The following TTN variants were observed in gnomAD, a reference collection of about 807,000 sequenced individuals.
TTN encodes titin, also known as connectin.
In TTN, 1,525 loss-of-function variants were observed where a neutral mutation model predicts 3,223.0. The observed-to-expected ratio is 0.47, with a 90% CI of 0.45 to 0.49. TTN has a LOEUF of 0.49. Ranked by LOEUF, TTN falls within the 20% of genes least tolerant of loss-of-function variation. TTN has a pLI of 0.00. For missense variants in TTN, 40,786 were observed against 43,424.0 expected (o/e 0.94, Z 5.40); for synonymous variants, 14,094 against 15,161.0 (o/e 0.93, Z 5.17).
rs1337110210 is a variant in TTN at position 178,607,499 on chromosome 2, A to G, written c.53189T>C (p.Ile17730Thr). 6.2e-7 allele frequency: 1 copy of G among 1,613,108 alleles called. No individual in the cohort carries two copies. The highest frequency in any genetic ancestry group is 1.3e-5 in the African/African-American group (1 of 74,872). The change falls in exon 277 of 363, where the codon ATT becomes ACT. Residue 17730 changes from isoleucine to threonine, a missense_variant. Transcript: ENST00000589042. ...GTCTTTTCGCAGTGCATCCTTGATA[A>G]TTAGTTCAGATTTGGTTCCAACGTT... is the stretch of plus-strand genomic sequence containing the variant. ...IDNVGTKSEL[I>T]IKDALRKDHG...
chr2:178,651,867 G>T lies in TTN; in HGVS notation c.39379+17C>A, dbSNP rs754271985. On this transcript the variant is annotated intron_variant, in intron 205 of 362. Coordinates refer to ENST00000589042, the MANE Select transcript of TTN (RefSeq NM_001267550.2). Reference sequence around the variant, plus strand: ...AAAGAGTGGCCGAGGTGTCCTAGCAGCTTTCTTGCCATGTACCTTGTGGAG... The same window carrying T: ...AAAGAGTGGCCGAGGTGTCCTAGCATCTTTCTTGCCATGTACCTTGTGGAG... The T allele has an allele frequency of 6.2e-7, 1 of 1,602,710 alleles. No homozygotes were observed. Among genetic ancestry groups the T allele is most frequent in the African/African-American group, 1.3e-5 (1 of 74,484 alleles).
chr2:178,649,095 GTC>G (rs2154247507), intron 213 of TTN, among the ~76,000 whole-genome samples, 151 bp downstream of exon 213: 1 of 152,100 alleles, frequency 6.6e-6, no homozygotes. Flanking sequence ...ACTCCTGCTT[GTC>G]TGTTTCATTT....
Position 178,731,177 on chromosome 2 carries a change from C to G in TTN, c.17488G>C (p.Val5830Leu). 6.2e-7 allele frequency: 1 copy of G among 1,613,374 alleles called. No individual in the cohort carries two copies. Among genetic ancestry groups the G allele is most frequent in the Non-Finnish European group, 8.5e-7 (1 of 1,179,500 alleles). The part of the protein sequence containing the change: ...KEPATITEEA[V>L]SIDVTQGDPA... The stretch of plus-strand genomic sequence containing the variant: ...TCTCCTTGGGTGACATCTATAGACA[C>G]AGCTTCCTCGGTGATTGTTGCAGGT... The change falls in exon 60 of 363, where the codon GTG (valine) becomes CTG (leucine). Residue 5830 changes from valine to leucine, a missense_variant. Val to Leu is a conservative substitution (Grantham distance 32). Coordinates refer to ENST00000589042, the MANE Select transcript of TTN (RefSeq NM_001267550.2).
intron 47 of TTN, chr2:178,750,407 T>C: frequency 6.2e-7 from 1 of 1,612,448 alleles, no homozygotes; most frequent in African/African-American, 1.3e-5. Context: ...TAATATTGAA[T>C]AGTTTTCCAA....
At position 178,688,595 on chromosome 2, in the gene TTN, G is replaced by A. The variant is rs1033762769; in HGVS notation, c.32197+82C>T. On this transcript the variant is annotated intron_variant, in intron 126 of 362. Transcript: ENST00000589042. ...ATAACTGATGAGGACATGTTCTAAA[G>A]TAAACAATCACATGTGGAAGAAGAA... The A allele has an allele frequency of 4.2e-5, 41 of 976,946 alleles. 1 individual carries two copies. Among genetic ancestry groups the A allele is most frequent in the South Asian group, 1.1e-4 (8 of 76,172 alleles). 60.5% of individuals were successfully genotyped at this position (976,946 alleles called of 1,614,324 possible).
Position 178,534,076 on chromosome 2 carries a change from C to A in TTN, c.102539G>T (p.Ser34180Ile). The part of the protein sequence containing the change: ...WYFGVRQLEN[S>I]EKYEITYEDG... ...TTCGTAGGTGATTTCGTATTTCTCA[C>A]TGTTCTCCAGCTGTCGGACGCCAAA... is the stretch of plus-strand genomic sequence containing the variant. Residue 34180 changes from serine to isoleucine, a missense_variant, in exon 358 of 363, where the codon AGT (serine) becomes ATT (isoleucine). Physicochemically the swap from Ser to Ile is moderately radical, Grantham distance 142. Coordinates refer to ENST00000589042, the MANE Select transcript of TTN (RefSeq NM_001267550.2). The A allele has an allele frequency of 6.2e-7, 1 of 1,613,964 alleles. No homozygotes were observed. Among genetic ancestry groups the A allele is most frequent in the Non-Finnish European group, 8.5e-7 (1 of 1,179,856 alleles).
Position 178,564,396 on chromosome 2 carries a change from T to C in TTN, c.81736A>G (p.Ile27246Val). 1 of 1,613,590 alleles carries C rather than the reference T, an allele frequency of 6.2e-7. No homozygotes were observed. The highest frequency in any genetic ancestry group is 8.5e-7 in the Non-Finnish European group (1 of 1,179,728). Residue 27246 changes from isoleucine to valine, a missense_variant, in exon 326 of 363, where the codon ATT (isoleucine) becomes GTT (valine). Coordinates refer to ENST00000589042, the MANE Select transcript of TTN (RefSeq NM_001267550.2). ...VEDQRYEFRV[I>V]ARNAAGNFSE... ...AAGTTTCCAGCTGCATTTCTTGCAATTACTCTAAATTCATATCTTTGGTCT... is the reference window on the plus strand; with the variant it reads ...AAGTTTCCAGCTGCATTTCTTGCAACTACTCTAAATTCATATCTTTGGTCT...
intron 147 of TTN, 104 bp downstream of exon 147, chr2:178,677,097 G>T: frequency 1.6e-6 from 1 of 630,666 alleles, no homozygotes; most frequent in South Asian, 8.0e-5. Context: ...GTAACTGTGT[G>T]ATTATCCATT....
In TTN at chr2:178,698,887, G is replaced by C; in HGVS notation, c.30710C>G (p.Ala10237Gly). 1 of 1,531,524 alleles carries C rather than the reference G, an allele frequency of 6.5e-7. No individual in the cohort carries two copies. The highest frequency in any genetic ancestry group is 2.5e-5 in the East Asian group (1 of 40,780). The allele number at this position is 1,531,524 out of a possible 1,614,324, so 94.9% of individuals were successfully genotyped here. A position where few individuals can be genotyped will look rare whatever the true frequency, so the allele number is the denominator to read the frequency against. ...EVTKKAVKKD[A>G]KKVVAKPKEM... ...TTTGGGCTTTGCAACAACTTTTTTG[G>C]CATCTTTCTTCACAGCCTTTTTGGT... Residue 10237 changes from alanine to glycine, a missense_variant, in exon 112 of 363, where the codon GCC becomes GGC. Ala to Gly is a moderately conservative substitution (Grantham distance 60). Coordinates refer to ENST00000589042, the MANE Select transcript of TTN (RefSeq NM_001267550.2).
chr2:178,618,224 T>A lies in TTN; in HGVS notation c.47234A>T (p.Glu15745Val), dbSNP rs1559848811. The A allele has an allele frequency of 6.2e-7, 1 of 1,612,796 alleles. No homozygotes were observed. The highest frequency in any genetic ancestry group is 8.5e-7 in the Non-Finnish European group (1 of 1,179,172). Residue 15745 changes from glutamate to valine, a missense_variant, in exon 252 of 363, where the codon GAA becomes GTA. Physicochemically the swap from Glu to Val is moderately radical, Grantham distance 121. Transcript: ENST00000589042. ...RNRVGTGEPV[E>V]TDNPVEARSK... Reference sequence around the variant, plus strand: ...CCTTGCTTCTACAGGATTGTCAGTTTCTACTGGCTCACCAGTGCCAACTCT... The same window carrying A: ...CCTTGCTTCTACAGGATTGTCAGTTACTACTGGCTCACCAGTGCCAACTCT...
At chr2:178,771,493 G>C (rs1489864746) in intron 33 of TTN, 22 bp from the exon 34 acceptor site, 4 of 1,613,832 alleles carry the variant, frequency 2.5e-6, no homozygotes, top group Non-Finnish European at 3.4e-6. Flanking sequence ...GAGATGTACA[G>C]TATGAGTCCT....
intron 6 of TTN, chr2:178,799,155 C>A (rs1337822157): frequency 6.1e-6 from 2 of 328,540 alleles, no homozygotes; most frequent in Non-Finnish European, 1.2e-5. Context: ...AGGCCTGTGC[C>A]CATGGACCTA....
chr2:178,727,938 AAG>A, intron 67 of TTN, 75 bp from the exon 68 acceptor site: 6 of 1,462,416 alleles, frequency 4.1e-6, no homozygotes, highest in Middle Eastern at 1.9e-4. Flanking sequence ...ATGGACATTT[AAG>A]AAAACACTCT....
At position 178,711,113 on chromosome 2, in the gene TTN, C is replaced by A. The variant is rs939996965; in HGVS notation, c.28123G>T (p.Ala9375Ser). 6.2e-7 allele frequency: 1 copy of A among 1,613,532 alleles called. No individual in the cohort carries two copies. The highest frequency in any genetic ancestry group is 1.7e-5 in the Admixed American group (1 of 60,002). ...GAAGCAGAGCCTATAGGGTTTGTAGCTGTGCAGGAATACTGGCCTGCAAGG... is the reference window on the plus strand; with the variant it reads ...GAAGCAGAGCCTATAGGGTTTGTAGATGTGCAGGAATACTGGCCTGCAAGG... ...RSLAGQYSCT[A>S]TNPIGSASSS... is the part of the protein sequence containing the mutation. The change falls in exon 97 of 363, where the codon GCT becomes TCT. Residue 9375 changes from alanine to serine, a missense_variant. Coordinates refer to ENST00000589042, the MANE Select transcript of TTN (RefSeq NM_001267550.2).
Position 178,664,488 on chromosome 2 carries a change from G to A in TTN, c.36252C>T (p.Pro12084=). ...EVVPEKKVHP[P]QRAEVVPVKV... Reference sequence around the variant, plus strand: ...TGACAGGTACAACTTCAGCCCTTTGGGGAGGATGCACTTTCTTTTCCGGGA... The same window carrying A: ...TGACAGGTACAACTTCAGCCCTTTGAGGAGGATGCACTTTCTTTTCCGGGA... The change falls in exon 168 of 363, where the codon CCC becomes CCT. Residue 12084 remains proline, a synonymous_variant. Coordinates refer to ENST00000589042, the MANE Select transcript of TTN (RefSeq NM_001267550.2). 1.2e-6 allele frequency: 2 copies of A among 1,612,234 alleles called. No individual in the cohort carries two copies. Among genetic ancestry groups the A allele is most frequent in the Non-Finnish European group, 1.7e-6 (2 of 1,179,452 alleles).
At position 178,773,442 on chromosome 2, in the gene TTN, A is replaced by T. The variant is rs768670699; in HGVS notation, c.7594+20T>A. On this transcript the variant is annotated intron_variant, in intron 32 of 362. Coordinates refer to ENST00000589042, the MANE Select transcript of TTN (RefSeq NM_001267550.2). ...GTAGAATGCTTAAAGTAATTATTAG[A>T]TAGGTAGAATAATCCTTACTTTCTA... is the stretch of plus-strand genomic sequence containing the variant. 9.3e-6 allele frequency: 15 copies of T among 1,613,898 alleles called. No homozygotes were observed. The South Asian group carries it at 1.6e-4, about 18-fold the overall frequency.
chr2:178,748,915 A>G (rs749327373), intron 47 of TTN: 14 of 1,612,488 alleles, frequency 8.7e-6, no homozygotes, highest in Non-Finnish European at 1.1e-5. Context: ...GCTTTAATGA[A>G]AAGGCTTTGT....
At chr2:178,635,936 A>G (rs780341920) in intron 226 of TTN, 27 bp downstream of exon 226, 2 of 1,554,708 alleles carry the variant, frequency 1.3e-6, no homozygotes, top group South Asian at 1.3e-5. Flanking sequence ...CAATAAGCAG[A>G]ACGAAATCTC....
rs374241606 is a variant in TTN, at chr2:178,614,767, G to A, written c.48761-14C>T. On this transcript the variant is annotated splice_polypyrimidine_tract_variant and intron_variant, in intron 260 of 362. Transcript: ENST00000589042. ...TTTCTGGGGCCTCTGAATTGGAAAA[G>A]ATTATTTATGATGTTATCAAGTTCA... The A allele has an allele frequency of 2.5e-6, 4 of 1,602,886 alleles. No individual in the cohort carries two copies. The African/African-American group carries it at 4.0e-5, about 16-fold the overall frequency.
Sources: gnomAD v4.1 joint callset for allele counts (sites outside exome capture counted in the v4.1 genomes callset) on GRCh38, gnomAD v4.1.1 for gene constraint, MANE v1.5 for transcripts, NCBI Gene and HGNC (gene_info 2026-07-23, HGNC 2026-07-21) for gene names.